The following LRP1B variants were observed in gnomAD, a reference collection of about 807,000 sequenced individuals.
LRP1B encodes the protein low-density lipoprotein receptor-related protein 1B.
Under a neutral mutation model 556.6 loss-of-function variants are expected in LRP1B, and 217 were observed. The observed-to-expected ratio is 0.39, with a 90% confidence interval of 0.35 to 0.44. The LOEUF (loss-of-function observed/expected upper bound fraction) is 0.44, where lower values mean the gene tolerates loss of function less well. Ranked by LOEUF, LRP1B falls within the 20% of genes least tolerant of loss-of-function variation. The pLI is 1.00. For missense variants in LRP1B, 5,053 were observed against 5,620.8 expected (o/e 0.90, Z 3.23); for synonymous variants, 2,047 against 1,865.8 (o/e 1.10, Z -2.50).
intron 45 of LRP1B, among the ~76,000 whole-genome samples, chr2:140,536,927 A>G (rs2105005245): frequency 6.6e-6 from 1 of 151,422 alleles, no homozygotes; most frequent in Non-Finnish European, 1.5e-5. Context: ...TAATCTCAGC[A>G]CTTTTGGAGG....
intron 21 of LRP1B, among the ~76,000 whole-genome samples, chr2:140,919,549 G>A (rs1196059642): frequency 6.6e-6 from 1 of 151,978 alleles, no homozygotes; most frequent in African/African-American, 2.4e-5. Flanking sequence ...CCTGCCTCCA[G>A]ATCCCAGCTT....
At chr2:141,268,657 G>T (rs186321647) in intron 3 of LRP1B, among the ~76,000 whole-genome samples, 144 of 152,200 alleles carry the variant, frequency 9.5e-4, no homozygotes, top group African/African-American at 3.3e-3. Flanking sequence ...AGTGGAATGC[G>T]GTGGGAACAT....
intron 2 of LRP1B, among the ~76,000 whole-genome samples, chr2:141,723,478 T>C (rs910660197): frequency 6.6e-6 from 1 of 151,700 alleles, no homozygotes; most frequent in Admixed American, 6.6e-5. Flanking sequence ...TAGAACTGCA[T>C]AAATAACATT....
At chr2:141,271,146 T>C (rs2105369007) in intron 3 of LRP1B, among the ~76,000 whole-genome samples, 1 of 151,844 alleles carries the variant, frequency 6.6e-6, no homozygotes, top group East Asian at 1.9e-4. Context: ...CATAGTACAT[T>C]TTAACTAACA....
intron 84 of LRP1B, among the ~76,000 whole-genome samples, chr2:140,279,457 TCTCA>T (rs1434347599): frequency 2.0e-5 from 3 of 151,978 alleles, no homozygotes; most frequent in African/African-American, 7.2e-5. Context: ...TTAATTTTTC[TCTCA>T]CTCCCTTCAC....
intron 20 of LRP1B, among the ~76,000 whole-genome samples, chr2:140,930,537 A>G (rs1027277869): frequency 1.3e-5 from 2 of 152,160 alleles, no homozygotes; most frequent in Admixed American, 6.6e-5. Flanking sequence ...TTCAGAATAT[A>G]CTTTTTGGTA....
chr2:140,933,026 A>G (rs751198272), intron 20 of LRP1B, among the ~76,000 whole-genome samples: 1 of 143,686 alleles, frequency 7.0e-6, no homozygotes, highest in Non-Finnish European at 1.6e-5. Context: ...AGAATATTGT[A>G]TTAATTTATA....
At chr2:140,747,673 A>T (rs1688363854) in intron 35 of LRP1B, among the ~76,000 whole-genome samples, 1 of 152,134 alleles carries the variant, frequency 6.6e-6, no homozygotes. Context: ...TATGAAAAAT[A>T]ATCAGGTTGG....
intron 5 of LRP1B, among the ~76,000 whole-genome samples, chr2:141,235,387 A>G (rs746244332): frequency 6.6e-5 from 10 of 152,140 alleles, no homozygotes; most frequent in Non-Finnish European, 1.3e-4. Flanking sequence ...TGTTTTTATA[A>G]TCAGGTATGA....
intron 41 of LRP1B, among the ~76,000 whole-genome samples, chr2:140,606,102 A>G (rs951707363): frequency 6.6e-6 from 1 of 152,004 alleles, no homozygotes; most frequent in African/African-American, 2.4e-5. Flanking sequence ...CACTATCACT[A>G]TTTGCAGATG....
At chr2:141,799,897 C>T (rs1297525006) in intron 2 of LRP1B, among the ~76,000 whole-genome samples, 4 of 151,726 alleles carry the variant, frequency 2.6e-5, no homozygotes, top group African/African-American at 9.7e-5. Flanking sequence ...TTTATATACA[C>T]ACAAACTTCA....
chr2:141,947,963 C>T (rs1220036186), intron 1 of LRP1B, among the ~76,000 whole-genome samples: 7 of 151,990 alleles, frequency 4.6e-5, no homozygotes, highest in Non-Finnish European at 1.0e-4. Context: ...CTTGTCAAGA[C>T]ACTTGCTGGT....
chr2:141,332,367 T>C (rs1687685047), intron 3 of LRP1B, among the ~76,000 whole-genome samples: 1 of 151,954 alleles, frequency 6.6e-6, no homozygotes, highest in African/African-American at 2.4e-5. Context: ...GTATTGGTAA[T>C]GCTTACTCAA....
At chr2:141,888,358 A>T (rs1699186465) in intron 1 of LRP1B, among the ~76,000 whole-genome samples, 1 of 152,190 alleles carries the variant, frequency 6.6e-6, no homozygotes, top group African/African-American at 2.4e-5. Flanking sequence ...GTAAAAGTTG[A>T]TAGAAAATAT....
At chr2:141,530,456 TTCA>T (rs1684831616) in intron 2 of LRP1B, among the ~76,000 whole-genome samples, 10 of 152,118 alleles carry the variant, frequency 6.6e-5, no homozygotes, top group African/African-American at 2.4e-4. Context: ...TGAATATGTA[TTCA>T]TTCTTCATTT....
At chr2:140,416,297 G>A (rs1159654963) in intron 66 of LRP1B, among the ~76,000 whole-genome samples, 1 of 152,166 alleles carries the variant, frequency 6.6e-6, no homozygotes, top group African/African-American at 2.4e-5. Context: ...TAGAGCTGAT[G>A]AGTGGCTGAA....
rs551910644 is a variant in LRP1B at position 140,321,249 on chromosome 2, TTTG to T, written c.12640+711_12640+713del. ...ATACTGTTTTGTGTTTTTTTTATTT[TTTG>T]TTATTTAATATTTAGCATCTGAAGT... On this transcript the variant is annotated intron_variant, in intron 82 of 90. Transcript: ENST00000389484. Among the ~76,000 whole-genome samples, 87 of 152,120 alleles carry T rather than the reference TTTG, an allele frequency of 5.7e-4. 1 individual carries two copies. Among genetic ancestry groups the T allele is most frequent in the Admixed American group, 3.4e-3 (52 of 15,256 alleles).
intron 77 of LRP1B, among the ~76,000 whole-genome samples, chr2:140,337,540 T>C (rs1681162532): frequency 6.6e-6 from 1 of 151,854 alleles, no homozygotes. Context: ...TCACCAAATG[T>C]CATGTGCATG....
rs563246182 is a variant in LRP1B, at chr2:140,450,737, C to A, written c.9964-76G>T. Reference sequence around the variant, plus strand: ...TAATGGATAATTTAAAATTTGGCAACACAGCCTAGTCTACTTTTTTGCTGC... The same window carrying A: ...TAATGGATAATTTAAAATTTGGCAAAACAGCCTAGTCTACTTTTTTGCTGC... On this transcript the variant is annotated intron_variant, in intron 62 of 90. Coordinates refer to ENST00000389484, the MANE Select transcript of LRP1B (RefSeq NM_018557.3). The A allele has an allele frequency of 7.2e-6, 7 of 969,224 alleles. No individual in the cohort carries two copies. The East Asian group carries it at 1.5e-4, about 21-fold the overall frequency. The allele number at this position is 969,224 out of a possible 1,614,324, so 60.0% of individuals were successfully genotyped here.
Sources: gnomAD v4.1 joint callset for allele counts (sites outside exome capture counted in the v4.1 genomes callset) on GRCh38, gnomAD v4.1.1 for gene constraint, MANE v1.5 for transcripts, NCBI Gene and HGNC (gene_info 2026-07-23, HGNC 2026-07-21) for gene names.